Variants in SERPINB13 observed in about 807,000 individuals in gnomAD.
The protein encoded by SERPINB13 is serpin B13.
SERPINB13 carries 26 observed loss-of-function variants against 31.2 expected under a neutral mutation model. The ratio of observed to expected loss-of-function variants is 0.83; its 90% CI spans 0.61 to 1.15. The LOEUF is 1.15. Ranked by LOEUF, SERPINB13 falls within the 50% of genes most tolerant of loss-of-function variation. SERPINB13 has a pLI of 0.00. For missense variants in SERPINB13, 510 were observed against 469.4 expected (o/e 1.09, Z -0.80); for synonymous variants, 191 against 172.4 (o/e 1.11, Z -0.85).
At chr18:63,588,891 G>T (rs1445814237) in intron 2 of SERPINB13, 59 bp downstream of exon 2, 6 of 1,547,034 alleles carry the variant, frequency 3.9e-6, no homozygotes, top group African/African-American at 2.7e-5. Flanking sequence ...TGGCGGGGGG[G>T]TTGTCAGCCC....
chr18:63,591,862 T>C (rs920755759), intron 3 of SERPINB13, among the ~76,000 whole-genome samples: 9 of 152,158 alleles, frequency 5.9e-5, no homozygotes, highest in South Asian at 2.1e-4. Flanking sequence ...ATTTTTTTTT[T>C]CCCCTGGAGA....
intron 3 of SERPINB13, among the ~76,000 whole-genome samples, chr18:63,590,395 T>TCATAGTG (rs1193349911): frequency 6.6e-6 from 1 of 152,112 alleles, no homozygotes; most frequent in East Asian, 1.9e-4. Flanking sequence ...CTGACAGTAG[T>TCATAGTG]CATAGTGCAA....
chr18:63,591,078 A>G (rs1911821585), intron 3 of SERPINB13, among the ~76,000 whole-genome samples: 2 of 152,190 alleles, frequency 1.3e-5, no homozygotes, highest in Non-Finnish European at 2.9e-5. Flanking sequence ...AAAATAAACT[A>G]TTACCAAATC....
Position 63,596,976 on chromosome 18 carries a change from T to C in SERPINB13, c.789T>C (p.Ser263=), listed in dbSNP as rs1912206750. 3 of 1,608,336 alleles carry C rather than the reference T, an allele frequency of 1.9e-6. No homozygotes were observed. Among genetic ancestry groups the C allele is most frequent in the African/African-American group, 1.3e-5 (1 of 74,628 alleles). ...DGLEKIIDKI[S]PEKLVEWTSP... ...GAAAATAGATAATAGATAAAATAAG[T>C]CCTGAGAAATTGGTAGAGTGGACTA... Residue 263 remains serine, a synonymous_variant, in exon 8 of 8, where the codon AGT becomes AGC. Coordinates refer to ENST00000344731, the MANE Select transcript of SERPINB13 (RefSeq NM_012397.4).
chr18:63,594,118 C>T, intron 5 of SERPINB13: 6 of 1,420,304 alleles, frequency 4.2e-6, no homozygotes, highest in Non-Finnish European at 5.6e-6. Flanking sequence ...GGCATCTGAC[C>T]CCAGAGTCTG....
intron 7 of SERPINB13, among the ~76,000 whole-genome samples, chr18:63,595,726 C>T (rs906057960): frequency 2.0e-5 from 3 of 151,820 alleles, no homozygotes; most frequent in Non-Finnish European, 2.9e-5. Context: ...GGTGAAACCC[C>T]GTCTCTACTA....
intron 2 of SERPINB13, 23 bp downstream of exon 2, chr18:63,588,855 C>T: frequency 1.2e-6 from 2 of 1,602,280 alleles, no homozygotes; most frequent in Non-Finnish European, 8.5e-7. Flanking sequence ...CAGGGGGCTT[C>T]CTTGTTTCCT....
At chr18:63,591,349 T>C (rs1911838380) in intron 3 of SERPINB13, among the ~76,000 whole-genome samples, 1 of 152,196 alleles carries the variant, frequency 6.6e-6, no homozygotes, top group African/African-American at 2.4e-5. Context: ...TCCTCATTTA[T>C]TTTGTTGATG....
At chr18:63,592,545 A>G in intron 4 of SERPINB13, 69 bp downstream of exon 4, 1 of 1,506,380 alleles carries the variant, frequency 6.6e-7, no homozygotes, top group South Asian at 1.2e-5. Context: ...TGGTAGGACT[A>G]TGGGTCCTGA....
At chr18:63,589,490 C>CACACACAT (rs202159249) in intron 2 of SERPINB13, among the ~76,000 whole-genome samples, 166 bp from the exon 3 acceptor site, 8 of 151,002 alleles carry the variant, frequency 5.3e-5, no homozygotes, top group African/African-American at 1.7e-4. Context: ...CACACACACA[C>CACACACAT]GAAAAATCAG....
intron 1 of SERPINB13, among the ~76,000 whole-genome samples, chr18:63,587,852 A>G (rs1403140454): frequency 6.6e-6 from 1 of 152,208 alleles, no homozygotes; most frequent in Non-Finnish European, 1.5e-5. Flanking sequence ...TGAAGCAAAC[A>G]TAAAAACAGT....
At chr18:63,591,456 CT>C in intron 3 of SERPINB13, among the ~76,000 whole-genome samples, 1 of 125,214 alleles carries the variant, frequency 8.0e-6, no homozygotes, top group Non-Finnish European at 1.8e-5. Flanking sequence ...TTTTTCTTTC[CT>C]TCCTTCCTTC....
At chr18:63,587,705 C>T (rs1343670580) in intron 1 of SERPINB13, among the ~76,000 whole-genome samples, 3 of 152,202 alleles carry the variant, frequency 2.0e-5, no homozygotes, top group Non-Finnish European at 4.4e-5. Flanking sequence ...TGTGGGATGC[C>T]TTAGCGGGGA....
In SERPINB13 at chr18:63,587,464, T is replaced by C. The variant is rs984612434; in HGVS notation, c.-18+14T>C. 2 of 470,756 alleles carry C rather than the reference T, an allele frequency of 4.2e-6. No individual in the cohort carries two copies. The highest frequency in any genetic ancestry group is 2.0e-5 in the African/African-American group (1 of 50,038). 29.2% of individuals were successfully genotyped at this position (470,756 alleles called of 1,614,324 possible). A position where few individuals can be genotyped will look rare whatever the true frequency, so the allele number is the denominator to read the frequency against. On this transcript the variant is annotated intron_variant, in intron 1 of 7. Coordinates refer to ENST00000344731, the MANE Select transcript of SERPINB13 (RefSeq NM_012397.4). ...CAAAAACCCGAGGTAAGTTCTTATT[T>C]TGGCTCCAATTTAAGACCTCTGTAT...
intron 3 of SERPINB13, among the ~76,000 whole-genome samples, chr18:63,590,885 C>T (rs528948397): frequency 2.3e-3 from 343 of 152,288 alleles, no homozygotes; most frequent in African/African-American, 8.1e-3. Context: ...GTCATCTACT[C>T]CAATCTCCTC....
At position 63,597,462 on chromosome 18, in the gene SERPINB13, A is replaced by G; in HGVS notation, c.*99A>G. 1 of 1,286,058 alleles carries G rather than the reference A, an allele frequency of 7.8e-7. No homozygotes were observed. The highest frequency in any genetic ancestry group is 1.1e-6 in the Non-Finnish European group (1 of 934,200). 79.7% of individuals were successfully genotyped at this position (1,286,058 alleles called of 1,614,324 possible). On this transcript the variant is annotated 3_prime_UTR_variant, in exon 8 of 8. Transcript: ENST00000344731. ...CGTCCATTCTTTTAAATGTTGTCTCACTTGCATTTCCAGTCTTGGCCATCA... is the reference window on the plus strand; with the variant it reads ...CGTCCATTCTTTTAAATGTTGTCTCGCTTGCATTTCCAGTCTTGGCCATCA...
At chr18:63,588,262 C>T (rs79878177) in intron 1 of SERPINB13, among the ~76,000 whole-genome samples, 1,619 of 152,266 alleles carry the variant, frequency 0.011, 28 homozygotes, top group African/African-American at 0.033. Flanking sequence ...TTATCATGGG[C>T]CCCACATCTG....
At chr18:63,595,906 A>T (rs1409092312) in intron 7 of SERPINB13, among the ~76,000 whole-genome samples, 7 of 8,216 alleles carry the variant, frequency 8.5e-4, no homozygotes, top group African/African-American at 2.2e-3. Flanking sequence ...TCAAAATTAA[A>T]TAAATAAATA....
rs1912350443 is a variant in SERPINB13, at chr18:63,599,048, G to A, written c.*1685G>A. The A allele has an allele frequency of 6.6e-6, 1 of 151,876 alleles. No homozygotes were observed. Among genetic ancestry groups the A allele is most frequent in the Non-Finnish European group, 1.5e-5 (1 of 67,924 alleles). The allele number at this position is 151,876 out of a possible 1,614,324, so 9.4% of individuals were successfully genotyped here. On this transcript the variant is annotated 3_prime_UTR_variant, in exon 8 of 8. Transcript: ENST00000344731. ...GCTTATTGGCCATTTGTTTGACTTT[G>A]TTTGGTGAAATGTATACAAATCATT...
Sources: allele counts gnomAD v4.1 joint callset (sites outside exome capture counted in the v4.1 genomes callset), GRCh38; gene constraint gnomAD v4.1.1; transcripts MANE v1.5; gene names NCBI Gene and HGNC (gene_info 2026-07-23, HGNC 2026-07-21).